Variants in RHOT1 observed in about 807,000 individuals in gnomAD.
The protein encoded by RHOT1 is mitochondrial Rho GTPase 1.
Under a neutral mutation model 95.3 loss-of-function variants are expected in RHOT1, and 27 were observed. The observed-to-expected ratio is 0.28, with a 90% confidence interval of 0.21 to 0.39. RHOT1 has a LOEUF of 0.39. Ranked by LOEUF, RHOT1 falls within the 10% of genes least tolerant of loss-of-function variation. The pLI is 1.00. For synonymous variants in RHOT1, 227 were observed against 263.5 expected (o/e 0.86, Z 1.34); for missense variants, 578 against 786.7 (o/e 0.73, Z 3.17).
intron 19 of RHOT1, among the ~76,000 whole-genome samples, chr17:32,218,261 G>A (rs1361651527): frequency 6.6e-6 from 1 of 152,142 alleles, no homozygotes; most frequent in Non-Finnish European, 1.5e-5. Context: ...GGCAGAGGCA[G>A]GAGGATCACT....
intron 16 of RHOT1, 77 bp from the exon 17 acceptor site, chr17:32,206,833 G>A: frequency 1.9e-6 from 2 of 1,033,344 alleles, no homozygotes; most frequent in East Asian, 5.3e-5. Context: ...GTCCAGGGAA[G>A]GAAGTAATAA....
chr17:32,151,188 G>A lies in RHOT1; in HGVS notation c.37+8459G>A, dbSNP rs143231596. The stretch of plus-strand genomic sequence containing the variant: ...AGTTTCAAAGCTAGTTTCTCCTGAA[G>A]ATTTCTGTCTGGGAACATGGTCTGG... On this transcript the variant is annotated intron_variant, in intron 1 of 19. Transcript: ENST00000545287. The A allele has an allele frequency of 8.3e-3, 6,411 of 769,138 alleles. 37 individuals are homozygous for A. The highest frequency in any genetic ancestry group is 0.012 in the Non-Finnish European group (4,785 of 413,388). The allele number at this position is 769,138 out of a possible 1,614,324, so 47.6% of individuals were successfully genotyped here.
intron 16 of RHOT1, among the ~76,000 whole-genome samples, chr17:32,205,168 G>A (rs910299644): frequency 5.4e-5 from 8 of 149,364 alleles, no homozygotes; most frequent in African/African-American, 1.7e-4. Flanking sequence ...CCCTCCCCTT[G>A]CCCCTCACCC....
At chr17:32,192,538 G>A (rs1020209134) in intron 9 of RHOT1, among the ~76,000 whole-genome samples, 5 of 151,852 alleles carry the variant, frequency 3.3e-5, no homozygotes, top group Middle Eastern at 3.4e-3. Context: ...AGGATGACTT[G>A]GAGTCTGAAC....
At chr17:32,160,898 G>A (rs2142441850) in intron 1 of RHOT1, among the ~76,000 whole-genome samples, 1 of 152,326 alleles carries the variant, frequency 6.6e-6, no homozygotes, top group East Asian at 1.9e-4. Flanking sequence ...AACGAGCCCA[G>A]TGGGCCAGAG....
At chr17:32,174,429 G>A (rs542092907) in intron 3 of RHOT1, among the ~76,000 whole-genome samples, 3 of 152,310 alleles carry the variant, frequency 2.0e-5, no homozygotes, top group Non-Finnish European at 4.4e-5. Flanking sequence ...TGTACTGAAA[G>A]CTGAGGGAGG....
chr17:32,177,704 G>A (rs1349172400), intron 6 of RHOT1, among the ~76,000 whole-genome samples: 7 of 146,428 alleles, frequency 4.8e-5, no homozygotes, highest in Admixed American at 6.8e-5. Flanking sequence ...GCAGTGAGCC[G>A]AGATCACGCC....
intron 18 of RHOT1, chr17:32,209,211 C>T: frequency 5.1e-5 from 22 of 429,832 alleles, no homozygotes; most frequent in South Asian, 1.6e-4. Context: ...ATTTTATTAC[C>T]TAATACTTTT....
intron 2 of RHOT1, among the ~76,000 whole-genome samples, chr17:32,172,440 T>A (rs1452010187): frequency 2.0e-5 from 3 of 152,350 alleles, no homozygotes; most frequent in South Asian, 2.1e-4. Context: ...TTTGGTTTTT[T>A]AAAATTTAGT....
intron 18 of RHOT1, chr17:32,209,505 A>T: frequency 1.0e-6 from 1 of 996,960 alleles, no homozygotes; most frequent in Non-Finnish European, 1.6e-6. Context: ...TTAGAGAATG[A>T]CCAAATCTCC....
intron 6 of RHOT1, chr17:32,179,949 A>T (rs2035468920): frequency 7.5e-6 from 1 of 134,100 alleles, no homozygotes; most frequent in South Asian, 2.3e-4. Flanking sequence ...CCCATCTGGG[A>T]TGTGAGGAGC....
At chr17:32,147,413 C>T (rs1446786226) in intron 1 of RHOT1, among the ~76,000 whole-genome samples, 1 of 151,948 alleles carries the variant, frequency 6.6e-6, no homozygotes, top group African/African-American at 2.4e-5. Flanking sequence ...CTTGCTTGAC[C>T]CCAGGAGTTT....
At chr17:32,190,205 C>T (rs2036383970) in intron 8 of RHOT1, among the ~76,000 whole-genome samples, 1 of 152,038 alleles carries the variant, frequency 6.6e-6, no homozygotes, top group Non-Finnish European at 1.5e-5. Flanking sequence ...CCTGTAATCC[C>T]AGCACTTTGG....
rs1370164674 is a variant in RHOT1 at position 32,217,822 on chromosome 17, G to C, written c.1862+6584G>C. ...ACATTTGGAGAAACAAAAGCAGAGA[G>C]TCCAGAAGACTTTTTTTAATTTTTA... On this transcript the variant is annotated intron_variant, in intron 19 of 19. Transcript: ENST00000545287. Among the ~76,000 whole-genome samples the C allele has an allele frequency of 7.3e-5, 11 of 150,652 alleles. 1 individual carries two copies. The Admixed American group carries it at 7.3e-4, about 10-fold the overall frequency.
chr17:32,196,596 G>C (rs2036909028), intron 11 of RHOT1, among the ~76,000 whole-genome samples: 1 of 152,074 alleles, frequency 6.6e-6, no homozygotes, highest in South Asian at 2.1e-4. Context: ...ACTATTTGTT[G>C]TCCACCAAGC....
At chr17:32,218,083 G>C (rs937354388) in intron 19 of RHOT1, among the ~76,000 whole-genome samples, 1 of 151,778 alleles carries the variant, frequency 6.6e-6, no homozygotes, top group African/African-American at 2.4e-5. Flanking sequence ...GGCTGATCTC[G>C]AACTCCTAAC....
chr17:32,170,918 A>G (rs1475646005), intron 1 of RHOT1, 125 bp from the exon 2 acceptor site: 4 of 572,510 alleles, frequency 7.0e-6, no homozygotes, highest in African/African-American at 5.9e-5. Flanking sequence ...GTATTATACT[A>G]AAACTTAATA....
intron 6 of RHOT1, 78 bp from the exon 7 acceptor site, chr17:32,182,678 GA>G (rs2035734819): frequency 1.2e-6 from 1 of 855,738 alleles, no homozygotes; most frequent in East Asian, 2.6e-5. Flanking sequence ...TTTTTAGTTA[GA>G]ATGGGTTATG....
At chr17:32,152,677 A>G (rs911866486) in intron 1 of RHOT1, among the ~76,000 whole-genome samples, 2 of 152,196 alleles carry the variant, frequency 1.3e-5, no homozygotes, top group African/African-American at 2.4e-5. Flanking sequence ...GGAACAAAAC[A>G]TCTCTTGAAA....
Sources: gnomAD v4.1 joint callset for allele counts (sites outside exome capture counted in the v4.1 genomes callset) on GRCh38, gnomAD v4.1.1 for gene constraint, MANE v1.5 for transcripts, NCBI Gene and HGNC (gene_info 2026-07-23, HGNC 2026-07-21) for gene names.